The following GLIS3 variants were observed in gnomAD, a reference collection of about 807,000 sequenced individuals.
GLIS3 encodes GLIS family zinc finger 3, also known as zinc finger protein GLIS3.
In GLIS3, 53 loss-of-function variants were observed where a neutral mutation model predicts 78.6. The observed-to-expected ratio is 0.67, with a 90% CI of 0.54 to 0.85. The LOEUF (loss-of-function observed/expected upper bound fraction) is 0.85. Ranked by LOEUF, GLIS3 falls within the 40% of genes least tolerant of loss-of-function variation. The pLI, the probability that GLIS3 is intolerant of heterozygous loss-of-function variation, is 0.00. For synonymous variants in GLIS3, 684 were observed against 509.9 expected (o/e 1.34, Z -4.60); for missense variants, 1,703 against 1,231.1 (o/e 1.38, Z -5.74).
chr9:4,355,293 T>C, the GLIS3 span, among the ~76,000 whole-genome samples: 1 of 152,110 alleles, frequency 6.6e-6, no homozygotes, highest in Non-Finnish European at 1.5e-5. Flanking sequence ...CTTAACCTCC[T>C]TGAGCCTCAG....
chr9:4,246,298 G>C (rs1271408833), intron 2 of GLIS3, among the ~76,000 whole-genome samples: 4 of 152,174 alleles, frequency 2.6e-5, no homozygotes, highest in Non-Finnish European at 5.9e-5. Flanking sequence ...TGATGCTTTT[G>C]CTGATCAGCA....
At chr9:3,978,628 G>GTATA (rs201475671) in intron 4 of GLIS3, among the ~76,000 whole-genome samples, 2 of 150,606 alleles carry the variant, frequency 1.3e-5, no homozygotes, top group African/African-American at 4.9e-5. Flanking sequence ...GTATATGTGT[G>GTATA]TATATATATA....
chr9:4,175,373 G>C (rs922880749), intron 2 of GLIS3, among the ~76,000 whole-genome samples: 1 of 152,196 alleles, frequency 6.6e-6, no homozygotes, highest in Non-Finnish European at 1.5e-5. Flanking sequence ...AGAGAAAGAG[G>C]TCTGAAAAGA....
At chr9:3,968,762 A>G (rs1423966087) in intron 4 of GLIS3, among the ~76,000 whole-genome samples, 1 of 152,230 alleles carries the variant, frequency 6.6e-6, no homozygotes, top group East Asian at 1.9e-4. Flanking sequence ...AGATCAAGTA[A>G]TAGTACATTT....
chr9:4,172,570 G>T (rs1394509057), intron 2 of GLIS3, among the ~76,000 whole-genome samples: 1 of 152,066 alleles, frequency 6.6e-6, no homozygotes, highest in Non-Finnish European at 1.5e-5. Context: ...CTGGGTTTTG[G>T]TAGCAAGCAT....
intron 8 of GLIS3, chr9:3,875,627 A>G (rs1386540618): frequency 6.6e-6 from 1 of 152,218 alleles, no homozygotes; most frequent in Admixed American, 6.5e-5. Flanking sequence ...AGGTAAGCAC[A>G]TTTCCTCTTA....
At chr9:4,062,751 C>T (rs957735787) in intron 4 of GLIS3, among the ~76,000 whole-genome samples, 6 of 152,070 alleles carry the variant, frequency 3.9e-5, no homozygotes, top group African/African-American at 1.4e-4. Context: ...CACAGCGAAA[C>T]CCCATCTCTA....
intron 2 of GLIS3, among the ~76,000 whole-genome samples, chr9:4,217,525 C>T (rs1471789624): frequency 6.6e-6 from 1 of 152,146 alleles, no homozygotes; most frequent in Non-Finnish European, 1.5e-5. Context: ...AAGGTATCAT[C>T]TGCCTATAAA....
intron 2 of GLIS3, among the ~76,000 whole-genome samples, chr9:4,158,488 C>T (rs1485791788): frequency 6.6e-6 from 1 of 152,190 alleles, no homozygotes; most frequent in East Asian, 1.9e-4. Context: ...GTAGTGCCTT[C>T]AGCTATACTG....
At chr9:4,112,920 C>A (rs920542418) in intron 4 of GLIS3, among the ~76,000 whole-genome samples, 1 of 152,044 alleles carries the variant, frequency 6.6e-6, no homozygotes, top group Non-Finnish European at 1.5e-5. Context: ...CATCCCATCT[C>A]TTTTATTTCT....
At chr9:4,416,603 G>T in the GLIS3 span, among the ~76,000 whole-genome samples, 1 of 151,464 alleles carries the variant, frequency 6.6e-6, no homozygotes, top group Admixed American at 6.6e-5. Context: ...TTTATTCTTT[G>T]TACTTTCAGT....
the GLIS3 span, among the ~76,000 whole-genome samples, chr9:4,434,138 T>C: frequency 6.6e-6 from 1 of 151,758 alleles, no homozygotes; most frequent in African/African-American, 2.4e-5. Flanking sequence ...ATTGCAATTG[T>C]GTAGAACGCC....
chr9:4,213,515 C>A (rs921502120), intron 2 of GLIS3, among the ~76,000 whole-genome samples: 1 of 152,184 alleles, frequency 6.6e-6, no homozygotes, highest in Non-Finnish European at 1.5e-5. Context: ...CCACTAACTA[C>A]GTGTAAGCAC....
rs772295271 is a variant in GLIS3, at chr9:4,118,450, G to T, written c.1028C>A (p.Pro343Gln). The change falls in exon 4 of 11, where the codon CCG (proline) becomes CAG (glutamine). Residue 343 changes from proline to glutamine, a missense_variant. By Grantham distance (76) the Pro-to-Gln change is moderately conservative. Transcript: ENST00000381971. This position sits in a 1 kb window ranked among gnomAD's most constrained non-coding sequence, Gnocchi z 4.7. Reference protein sequence around the residue: ...GSRASPANLSPQPEVYGHFLG... With the variant: ...GSRASPANLSQQPEVYGHFLG... ...GAAATGCCCGTAGACCTCCGGCTGC[G>T]GGGACAGGTTGGCCGGCGAAGCCCT... is the stretch of plus-strand genomic sequence containing the variant. 6.2e-7 allele frequency: 1 copy of T among 1,613,184 alleles called. No individual in the cohort carries two copies.
At chr9:4,397,448 G>A in the GLIS3 span, among the ~76,000 whole-genome samples, 2 of 151,654 alleles carry the variant, frequency 1.3e-5, no homozygotes, top group African/African-American at 2.4e-5. Flanking sequence ...TAGCAGTACA[G>A]TCAGAATACT....
chr9:4,365,757 G>A, the GLIS3 span, among the ~76,000 whole-genome samples: 1 of 152,148 alleles, frequency 6.6e-6, no homozygotes, highest in Non-Finnish European at 1.5e-5. Context: ...GACTGCCAAA[G>A]TATTTCTTTT....
intron 1 of GLIS3, 163 bp downstream of exon 1, chr9:4,299,258 G>C (rs533140839): frequency 1.3e-5 from 2 of 152,302 alleles, no homozygotes; most frequent in East Asian, 1.9e-4. Flanking sequence ...CGGGAGTTGA[G>C]GTGCGCGTAT....
chr9:4,399,071 A>G, the GLIS3 span, among the ~76,000 whole-genome samples: 1 of 152,192 alleles, frequency 6.6e-6, no homozygotes, highest in Non-Finnish European at 1.5e-5. Context: ...ACATTTTACG[A>G]TAACAACCAC....
At chr9:4,464,244 A>G in the GLIS3 span, among the ~76,000 whole-genome samples, 1 of 152,140 alleles carries the variant, frequency 6.6e-6, no homozygotes, top group Non-Finnish European at 1.5e-5. Context: ...AGTCTCCAAC[A>G]GGCAATGGTC....
Sources: gnomAD v4.1 joint callset for allele counts (sites outside exome capture counted in the v4.1 genomes callset) on GRCh38, gnomAD v4.1.1 for gene constraint, Gnocchi (gnomAD v3.1) non-coding constraint, MANE v1.5 for transcripts, NCBI Gene and HGNC (gene_info 2026-07-23, HGNC 2026-07-21) for gene names.